SUMF1: variants seen among roughly 807,000 people sequenced by gnomAD.
The protein encoded by SUMF1 is formylglycine-generating enzyme.
Under a neutral mutation model 47.6 loss-of-function variants are expected in SUMF1, and 48 were observed. The observed-to-expected ratio is 1.01, with a 90% CI of 0.80 to 1.28. The LOEUF (loss-of-function observed/expected upper bound fraction) is 1.28. SUMF1 is among the 50% of genes most tolerant of loss of function. The pLI is 0.00. For missense variants in SUMF1, 571 were observed against 485.4 expected, an observed-to-expected ratio of 1.18 and a Z score of -1.66; for synonymous variants, 230 against 192.1, an observed-to-expected ratio of 1.20 and a Z score of -1.63.
intron 8 of SUMF1, among the ~76,000 whole-genome samples, chr3:4,204,130 C>T (rs1695600354): frequency 6.6e-6 from 1 of 152,054 alleles, no homozygotes; most frequent in Non-Finnish European, 1.5e-5. Context: ...TTCCTTCAGA[C>T]TGAAGAATTC....
chr3:4,317,266 G>A, intron 8 of SUMF1: 1 of 1,478,172 alleles, frequency 6.8e-7, no homozygotes, highest in Middle Eastern at 1.7e-4. Flanking sequence ...GTTGAGCCTA[G>A]TTATAATGAT....
Position 4,254,171 on chromosome 3 carries a change from A to C in SUMF1, c.1014+122159T>G, listed in dbSNP as rs1398877961. On this transcript the variant is annotated intron_variant and NMD_transcript_variant, in intron 8 of 12. Transcript: ENST00000448413. ...AACCACAAAGATGGGGAAAAAACAG[A>C]ACAGAAAAACTGGAAACTCTAAAAA... is the stretch of plus-strand genomic sequence containing the variant. Among the ~76,000 whole-genome samples the C allele has an allele frequency of 2.0e-5, 3 of 152,070 alleles. 1 individual carries two copies. Among genetic ancestry groups the C allele is most frequent in the Non-Finnish European group, 4.4e-5 (3 of 67,966 alleles).
chr3:4,161,535 C>A (rs990314571), intron 8 of SUMF1, among the ~76,000 whole-genome samples: 1 of 152,090 alleles, frequency 6.6e-6, no homozygotes, highest in Non-Finnish European at 1.5e-5. Context: ...TCCCACTTTC[C>A]CTCCCCTTTC....
At chr3:4,215,217 C>T (rs1334920242) in intron 8 of SUMF1, among the ~76,000 whole-genome samples, 1 of 152,164 alleles carries the variant, frequency 6.6e-6, no homozygotes, top group African/African-American at 2.4e-5. Context: ...TCGGCTTCAT[C>T]TCTGGGATGC....
chr3:4,189,853 G>A (rs1343489993), intron 8 of SUMF1, among the ~76,000 whole-genome samples: 1 of 152,028 alleles, frequency 6.6e-6, no homozygotes, highest in South Asian at 2.1e-4. Flanking sequence ...TTCTTTTGCT[G>A]GTCTAAAATG....
intron 8 of SUMF1, among the ~76,000 whole-genome samples, chr3:4,251,720 T>C (rs990287040): frequency 6.6e-6 from 1 of 152,224 alleles, no homozygotes; most frequent in South Asian, 2.1e-4. Context: ...TCTTCTTCTA[T>C]TATAAGGCTG....
rs982098417 is a variant in SUMF1 at position 4,300,567 on chromosome 3, G to A, written c.1014+75763C>T. Among the ~76,000 whole-genome samples, 5 of 152,112 alleles carry A rather than the reference G, an allele frequency of 3.3e-5. No individual in the cohort carries two copies. The South Asian group carries it at 1.0e-3, about 31-fold the overall frequency. On this transcript the variant is annotated intron_variant and NMD_transcript_variant, in intron 8 of 12. Coordinates refer to the SUMF1 transcript ENST00000448413. The stretch of plus-strand genomic sequence containing the variant: ...TCTGTTCTCAAACCTATTAATGCCA[G>A]GTATAACTGTTATTATAATTTTATG...
intron 8 of SUMF1, among the ~76,000 whole-genome samples, chr3:4,192,943 C>T (rs1321095058): frequency 6.6e-6 from 1 of 152,086 alleles, no homozygotes; most frequent in Non-Finnish European, 1.5e-5. Context: ...ACAATGTCTG[C>T]CACGTAAGAA....
chr3:4,445,474 A>G (rs979292550), intron 3 of SUMF1, among the ~76,000 whole-genome samples: 1 of 152,176 alleles, frequency 6.6e-6, no homozygotes, highest in Non-Finnish European at 1.5e-5. Flanking sequence ...AGTAGCTAGG[A>G]CTATGAACAC....
At chr3:4,239,753 AC>A (rs2124994790) in intron 8 of SUMF1, among the ~76,000 whole-genome samples, 1 of 152,190 alleles carries the variant, frequency 6.6e-6, no homozygotes, top group South Asian at 2.1e-4. Flanking sequence ...CTAATTGAAT[AC>A]CCTTTATTTC....
Position 4,303,674 on chromosome 3 carries a change from G to T in SUMF1, c.1014+72656C>A, listed in dbSNP as rs1377048181. On this transcript the variant is annotated intron_variant and NMD_transcript_variant, in intron 8 of 12. Coordinates refer to the SUMF1 transcript ENST00000448413. ...TTGGTGCGCGGGAATAGGTGTGCAT[G>T]CCCCGGCCTGGGCCTTTTTCTGTTG... 6.7e-6 allele frequency: 10 copies of T among 1,489,266 alleles called. No individual in the cohort carries two copies. In the African/African-American group the frequency reaches 8.5e-5, roughly 13 times the overall value. The allele number at this position is 1,489,266 out of a possible 1,614,324, so 92.3% of individuals were successfully genotyped here.
chr3:4,269,780 A>G (rs1697268905), intron 8 of SUMF1, among the ~76,000 whole-genome samples: 1 of 152,182 alleles, frequency 6.6e-6, no homozygotes, highest in African/African-American at 2.4e-5. Context: ...CTAATGCACA[A>G]AATTCTACCA....
rs73119853 is a variant in SUMF1 at position 4,072,761 on chromosome 3, A to C, written c.1015-4016T>G. On this transcript the variant is annotated intron_variant and NMD_transcript_variant, in intron 8 of 12. Coordinates refer to the SUMF1 transcript ENST00000448413. ...GATTGAAGGTCAAATTGATGAAATG[A>C]AGTGAGAAGACAAGATTAGAGAAAA... Among the ~76,000 whole-genome samples, 152 of 152,286 alleles carry C rather than the reference A, an allele frequency of 1.0e-3. 3 individuals carry two copies. Among genetic ancestry groups the C allele is most frequent in the African/African-American group, 3.6e-3 (148 of 41,544 alleles).
chr3:4,215,003 T>C (rs1302429639), intron 8 of SUMF1, among the ~76,000 whole-genome samples: 1 of 152,164 alleles, frequency 6.6e-6, no homozygotes, highest in African/African-American at 2.4e-5. Context: ...TCTGCAATGA[T>C]TTCAAACAAT....
At chr3:4,466,859 A>G in intron 1 of SUMF1, 117 bp downstream of exon 1, 1 of 1,449,596 alleles carries the variant, frequency 6.9e-7, no homozygotes, top group Middle Eastern at 2.5e-4. Context: ...CAGGTGCTCG[A>G]TTTGGGGTGT....
At chr3:4,306,971 AC>A (rs1698213665) in intron 8 of SUMF1, among the ~76,000 whole-genome samples, 1 of 152,234 alleles carries the variant, frequency 6.6e-6, no homozygotes, top group Non-Finnish European at 1.5e-5. Context: ...GGTCTCTGAA[AC>A]CAGCTTCAAA....
intron 8 of SUMF1, among the ~76,000 whole-genome samples, chr3:4,271,485 AGAT>A (rs1355428503): frequency 1.3e-5 from 2 of 151,118 alleles, no homozygotes; most frequent in Non-Finnish European, 2.9e-5. Context: ...ATAGATAGAT[AGAT>A]AGATAGATAG....
At chr3:4,411,082 T>C (rs1575188006) in intron 6 of SUMF1, 104 bp from the exon 7 acceptor site, 1 of 952,242 alleles carries the variant, frequency 1.1e-6, no homozygotes, top group Non-Finnish European at 1.7e-6. Context: ...AGTATGAATG[T>C]TGGGTTTTAT....
At chr3:4,135,119 T>G (rs1486847382) in intron 8 of SUMF1, among the ~76,000 whole-genome samples, 1 of 152,162 alleles carries the variant, frequency 6.6e-6, no homozygotes, top group East Asian at 1.9e-4. Context: ...CTAACTCATT[T>G]GATGATGCCA....
Sources: allele counts gnomAD v4.1 joint callset (sites outside exome capture counted in the v4.1 genomes callset), GRCh38; gene constraint gnomAD v4.1.1; transcripts MANE v1.5; gene names NCBI Gene and HGNC (gene_info 2026-07-23, HGNC 2026-07-21).